Variants in AJAP1 observed in about 807,000 individuals in gnomAD.
AJAP1 encodes the protein adherens junction-associated protein 1.
AJAP1 carries 5 observed loss-of-function variants against 35.0 expected under a neutral mutation model. The ratio of observed to expected loss-of-function variants is 0.14; its 90% CI spans 0.07 to 0.30. AJAP1 has a LOEUF of 0.30. Ranked by LOEUF, AJAP1 falls within the 10% of genes least tolerant of loss-of-function variation. The pLI, the probability that AJAP1 is intolerant of heterozygous loss-of-function variation, is 1.00. For synonymous variants in AJAP1, 284 were observed against 249.3 expected (o/e 1.14, Z -1.31); for missense variants, 586 against 571.0 (o/e 1.03, Z -0.27).
chr1:4,742,030 G>A (rs944364343), intron 2 of AJAP1, among the ~76,000 whole-genome samples: 3 of 152,182 alleles, frequency 2.0e-5, no homozygotes, highest in Non-Finnish European at 2.9e-5. Flanking sequence ...AAGGAATGAT[G>A]GAATTAGAAC....
chr1:4,746,363 T>C (rs1388257971), intron 2 of AJAP1, among the ~76,000 whole-genome samples: 3 of 152,174 alleles, frequency 2.0e-5, no homozygotes, highest in African/African-American at 7.2e-5. Flanking sequence ...CACAACCCTG[T>C]CTCCAAATAA....
chr1:4,749,237 A>G (rs948342104), intron 2 of AJAP1, among the ~76,000 whole-genome samples: 1 of 152,190 alleles, frequency 6.6e-6, no homozygotes, highest in African/African-American at 2.4e-5. Context: ...GGACAAAACC[A>G]TATCAGGCGG....
chr1:4,667,520 A>G (rs1639156350), intron 1 of AJAP1, among the ~76,000 whole-genome samples: 1 of 152,210 alleles, frequency 6.6e-6, no homozygotes, highest in Non-Finnish European at 1.5e-5. Context: ...ATCAGGCATT[A>G]GATTCTCATA....
chr1:4,728,939 C>T (rs1038088283), intron 2 of AJAP1, among the ~76,000 whole-genome samples: 4 of 152,172 alleles, frequency 2.6e-5, no homozygotes, highest in Non-Finnish European at 5.9e-5. Context: ...CTGGGCCCAG[C>T]TGCCAGACCA....
chr1:4,748,485 C>A (rs394808), intron 2 of AJAP1, among the ~76,000 whole-genome samples: 46,699 of 151,932 alleles, frequency 0.31, 7,592 homozygotes, highest in African/African-American at 0.37. Context: ...CGGTGTCTCA[C>A]GCCTGTAATC....
intron 1 of AJAP1, among the ~76,000 whole-genome samples, chr1:4,661,727 T>A (rs752908399): frequency 2.0e-5 from 3 of 152,230 alleles, no homozygotes; most frequent in Non-Finnish European, 4.4e-5. Flanking sequence ...CTTCATGGAT[T>A]TAGCCGTGTG....
In AJAP1 at chr1:4,728,289, C is replaced by G. The variant is rs111227021; in HGVS notation, c.829+15590C>G. On this transcript the variant is annotated intron_variant, in intron 2 of 5. Coordinates refer to ENST00000378191, the MANE Select transcript of AJAP1 (RefSeq NM_018836.4). ...CTTGGAGAGGAGCCCTGGGCCCCAG[C>G]GGACCCTGGCTGAGCACGGGGCCCT... 7.7e-3 allele frequency among the ~76,000 whole-genome samples: 1,171 copies of G among 152,214 alleles called. 15 individuals carry two copies. Among genetic ancestry groups the G allele is most frequent in the African/African-American group, 0.026 (1,081 of 41,528 alleles).
Position 4,783,124 on chromosome 1 carries a change from A to T in AJAP1, c.*639A>T, listed in dbSNP as rs963011192. On this transcript the variant is annotated 3_prime_UTR_variant, in exon 6 of 6. Coordinates refer to ENST00000378191, the MANE Select transcript of AJAP1 (RefSeq NM_018836.4). Reference sequence around the variant, plus strand: ...AAAAAAAAGAATTGTGTTATAGGTTACAAAATCTGATTTATTTAACATGCT... The same window carrying T: ...AAAAAAAAGAATTGTGTTATAGGTTTCAAAATCTGATTTATTTAACATGCT... 2.2e-5 allele frequency: 7 copies of T among 312,184 alleles called. No individual in the cohort carries two copies. The highest frequency in any genetic ancestry group is 1.3e-4 in the African/African-American group (6 of 47,112). The allele number at this position is 312,184 out of a possible 1,614,324, so 19.3% of individuals were successfully genotyped here. A position where few individuals can be genotyped will look rare whatever the true frequency, so the allele number is the denominator to read the frequency against.
intron 1 of AJAP1, among the ~76,000 whole-genome samples, chr1:4,664,955 G>T (rs1639083728): frequency 6.6e-6 from 1 of 152,144 alleles, no homozygotes; most frequent in Non-Finnish European, 1.5e-5. Context: ...GTGTTAGCAA[G>T]GAACCTATCT....
At chr1:4,731,938 C>T (rs370866502) in intron 2 of AJAP1, among the ~76,000 whole-genome samples, 10 of 152,302 alleles carry the variant, frequency 6.6e-5, no homozygotes, top group South Asian at 4.1e-4. Context: ...GCCCTTCCAT[C>T]GGACACCCCC....
At chr1:4,749,267 G>A (rs1424788538) in intron 2 of AJAP1, among the ~76,000 whole-genome samples, 2 of 152,158 alleles carry the variant, frequency 1.3e-5, no homozygotes, top group African/African-American at 4.8e-5. Context: ...CCACAGACAT[G>A]GAGTCAGGCA....
intron 2 of AJAP1, among the ~76,000 whole-genome samples, chr1:4,769,124 C>T (rs1570219948): frequency 1.3e-5 from 2 of 152,304 alleles, no homozygotes; most frequent in South Asian, 2.1e-4. Flanking sequence ...CAGTGCCCCC[C>T]ACCTCCCCAT....
At chr1:4,727,367 G>A (rs938052018) in intron 2 of AJAP1, among the ~76,000 whole-genome samples, 2 of 152,208 alleles carry the variant, frequency 1.3e-5, no homozygotes, top group African/African-American at 4.8e-5. Flanking sequence ...TTTGCCTCCA[G>A]CCCTCTCCTG....
At chr1:4,730,516 G>A (rs545158721) in intron 2 of AJAP1, among the ~76,000 whole-genome samples, 4 of 152,150 alleles carry the variant, frequency 2.6e-5, no homozygotes, top group African/African-American at 4.8e-5. Context: ...TGCCTCTGCC[G>A]AAGCTGTTGC....
intron 3 of AJAP1, among the ~76,000 whole-genome samples, chr1:4,771,938 C>T (rs965347926): frequency 1.3e-5 from 2 of 152,118 alleles, no homozygotes; most frequent in African/African-American, 2.4e-5. Context: ...TTTATCCCGT[C>T]GAGGCGTTCG....
chr1:4,702,370 A>G (rs965489726), intron 1 of AJAP1, among the ~76,000 whole-genome samples: 4 of 152,220 alleles, frequency 2.6e-5, no homozygotes, highest in African/African-American at 7.2e-5. Flanking sequence ...GGTTTGGGTT[A>G]AGATTAGTGC....
At chr1:4,658,570 G>A (rs1638933628) in intron 1 of AJAP1, among the ~76,000 whole-genome samples, 2 of 152,264 alleles carry the variant, frequency 1.3e-5, no homozygotes, top group African/African-American at 4.8e-5. Flanking sequence ...TCTAGTGTCA[G>A]CGGCTGTGCT....
At chr1:4,706,121 G>A (rs1403606232) in intron 1 of AJAP1, among the ~76,000 whole-genome samples, 2 of 152,176 alleles carry the variant, frequency 1.3e-5, no homozygotes, top group East Asian at 1.9e-4. Flanking sequence ...ATTGGGGACC[G>A]AGGGGTAGAC....
intron 1 of AJAP1, among the ~76,000 whole-genome samples, chr1:4,668,991 G>A (rs1048975304): frequency 2.0e-5 from 3 of 152,132 alleles, no homozygotes; most frequent in Non-Finnish European, 4.4e-5. Context: ...TCAATGAGAG[G>A]GACCTAGATT....
Sources: gnomAD v4.1 joint callset for allele counts (sites outside exome capture counted in the v4.1 genomes callset) on GRCh38, gnomAD v4.1.1 for gene constraint, MANE v1.5 for transcripts, NCBI Gene and HGNC (gene_info 2026-07-23, HGNC 2026-07-21) for gene names.